SEMA6D: variants seen among roughly 807,000 people sequenced by gnomAD.
SEMA6D encodes the protein semaphorin-6D.
In SEMA6D, 35 loss-of-function variants were observed where a neutral mutation model predicts 106.6. That is an observed-to-expected ratio of 0.33 (90% CI 0.25 to 0.44). The LOEUF (loss-of-function observed/expected upper bound fraction) is 0.44, where lower values mean the gene tolerates loss of function less well. Among genes scored for constraint, SEMA6D ranks in the 20% least tolerant of loss-of-function variants. SEMA6D has a pLI of 1.00. For missense variants in SEMA6D, 1,185 were observed against 1,345.9 expected (o/e 0.88, Z 1.87); for synonymous variants, 499 against 487.7 (o/e 1.02, Z -0.31).
At chr15:47,272,000 G>T (rs936695475) in intron 1 of SEMA6D, among the ~76,000 whole-genome samples, 1 of 152,082 alleles carries the variant, frequency 6.6e-6, no homozygotes, top group East Asian at 1.9e-4. Flanking sequence ...TCTTTTCAAG[G>T]CTTACATCAA....
chr15:47,238,616 A>G (rs1260247152), intron 1 of SEMA6D, among the ~76,000 whole-genome samples: 5 of 152,126 alleles, frequency 3.3e-5, no homozygotes, highest in Admixed American at 6.6e-5. Context: ...CATAGTTGAA[A>G]TTCAATACGT....
chr15:47,702,536 G>C (rs192679656), intron 4 of SEMA6D, among the ~76,000 whole-genome samples: 38 of 152,316 alleles, frequency 2.5e-4, no homozygotes, highest in African/African-American at 8.9e-4. Context: ...CAGAGGAGCT[G>C]AAAACTTATG....
At chr15:47,548,818 G>A (rs970990534) in intron 3 of SEMA6D, among the ~76,000 whole-genome samples, 1 of 152,068 alleles carries the variant, frequency 6.6e-6, no homozygotes, top group Non-Finnish European at 1.5e-5. Flanking sequence ...CTATAATAAT[G>A]TGTTTGTTGT....
intron 3 of SEMA6D, among the ~76,000 whole-genome samples, chr15:47,535,327 C>T (rs1440081394): frequency 6.6e-6 from 1 of 152,032 alleles, no homozygotes; most frequent in Non-Finnish European, 1.5e-5. Flanking sequence ...CAGATAAGAA[C>T]ATAAAGGTAG....
At chr15:47,238,400 C>G (rs2032691725) in intron 1 of SEMA6D, among the ~76,000 whole-genome samples, 1 of 152,032 alleles carries the variant, frequency 6.6e-6, no homozygotes, top group Non-Finnish European at 1.5e-5. Context: ...GATTTGACCC[C>G]TCACCCCCCA....
rs542063972 is a variant in SEMA6D at position 47,744,950 on chromosome 15, C to T, written c.-54-14795C>T. On this transcript the variant is annotated intron_variant, in intron 1 of 18. Transcript: ENST00000536845. ...GTTCTCATTGTATAGATTGGGAAACCGAGGCTGGAAGAGGCAAGTTGGCTT... is the reference window on the plus strand; with the variant it reads ...GTTCTCATTGTATAGATTGGGAAACTGAGGCTGGAAGAGGCAAGTTGGCTT... Among the ~76,000 whole-genome samples the T allele has an allele frequency of 2.4e-4, 36 of 152,208 alleles. No individual in the cohort carries two copies. The South Asian group carries it at 3.3e-3, about 14-fold the overall frequency.
At chr15:47,258,394 T>C (rs2033912172) in intron 1 of SEMA6D, among the ~76,000 whole-genome samples, 1 of 152,196 alleles carries the variant, frequency 6.6e-6, no homozygotes, top group Non-Finnish European at 1.5e-5. Context: ...CAGAAAAGGC[T>C]AGCATTTGAA....
intron 3 of SEMA6D, among the ~76,000 whole-genome samples, chr15:47,544,611 G>C (rs908643932): frequency 6.6e-6 from 1 of 152,030 alleles, no homozygotes; most frequent in African/African-American, 2.4e-5. Flanking sequence ...AAGAAGTCCT[G>C]GGAAAATGGA....
intron 3 of SEMA6D, among the ~76,000 whole-genome samples, chr15:47,520,136 G>C (rs2044523801): frequency 6.6e-6 from 1 of 152,174 alleles, no homozygotes; most frequent in African/African-American, 2.4e-5. Context: ...ATGTCTCCTT[G>C]ATACCTGGGA....
intron 16 of SEMA6D, 133 bp downstream of exon 16, chr15:47,766,810 G>T: frequency 1.5e-6 from 1 of 687,582 alleles, no homozygotes; most frequent in Admixed American, 2.9e-5. Flanking sequence ...CTTCGCAAAA[G>T]CTGAGCTGTT....
chr15:47,319,250 A>G (rs1055818512), intron 1 of SEMA6D, among the ~76,000 whole-genome samples: 4 of 152,168 alleles, frequency 2.6e-5, no homozygotes, highest in Non-Finnish European at 5.9e-5. Flanking sequence ...CATATTAATC[A>G]TAGTTGTTTT....
At position 47,503,688 on chromosome 15, in the gene SEMA6D, G is replaced by GTC. The variant is rs2043936069; in HGVS notation, c.-87+33144_-87+33145dup. The stretch of plus-strand genomic sequence containing the variant: ...ATGCAGGGGTGCTCTCTCTCTCTCT[G>GTC]TCACACACACACACACACACACACA... On this transcript the variant is annotated intron_variant, in intron 3 of 19. Transcript: ENST00000558014. 3.8e-5 allele frequency among the ~76,000 whole-genome samples: 4 copies of GTC among 106,446 alleles called. No homozygotes were observed. In the South Asian group the frequency reaches 8.9e-4, roughly 24 times the overall value. The allele number at this position is 106,446 out of a possible 152,430, so 69.8% of individuals were successfully genotyped here. A position where few individuals can be genotyped will look rare whatever the true frequency, so the allele number is the denominator to read the frequency against.
At chr15:47,644,291 G>C (rs1436017476) in intron 4 of SEMA6D, among the ~76,000 whole-genome samples, 2 of 152,186 alleles carry the variant, frequency 1.3e-5, no homozygotes, top group Non-Finnish European at 2.9e-5. Context: ...CAGATGTTAA[G>C]TGCATACACA....
intron 1 of SEMA6D, among the ~76,000 whole-genome samples, chr15:47,288,136 A>G (rs1272842268): frequency 2.6e-5 from 4 of 152,222 alleles, no homozygotes; most frequent in Admixed American, 6.5e-5. Flanking sequence ...CGTGATCCAA[A>G]CACTTTTACA....
intron 3 of SEMA6D, among the ~76,000 whole-genome samples, chr15:47,516,035 G>A (rs2044376487): frequency 6.6e-6 from 1 of 152,158 alleles, no homozygotes; most frequent in African/African-American, 2.4e-5. Context: ...ATGGTTGGCT[G>A]CAGAACTAAG....
At chr15:47,303,222 G>A (rs1421698609) in intron 1 of SEMA6D, among the ~76,000 whole-genome samples, 1 of 152,094 alleles carries the variant, frequency 6.6e-6, no homozygotes, top group Non-Finnish European at 1.5e-5. Flanking sequence ...GACAACTGGT[G>A]AACTTGTGGA....
At chr15:47,399,512 C>A (rs1003697056) in intron 1 of SEMA6D, 1 of 152,240 alleles carries the variant, frequency 6.6e-6, no homozygotes, top group African/African-American at 2.4e-5. Context: ...TGCCTTGGAT[C>A]TGAATTTCTG....
intron 3 of SEMA6D, among the ~76,000 whole-genome samples, chr15:47,503,401 A>T (rs2043922818): frequency 6.6e-6 from 1 of 152,198 alleles, no homozygotes; most frequent in Admixed American, 6.5e-5. Flanking sequence ...TTGTGAGGTT[A>T]TCTGTGTGGT....
At chr15:47,669,690 C>T (rs1375047556) in intron 4 of SEMA6D, among the ~76,000 whole-genome samples, 2 of 152,184 alleles carry the variant, frequency 1.3e-5, no homozygotes, top group African/African-American at 4.8e-5. Flanking sequence ...CCTTCTCCTC[C>T]ATACCTGTAT....
Sources: gnomAD v4.1 joint callset for allele counts (sites outside exome capture counted in the v4.1 genomes callset) on GRCh38, gnomAD v4.1.1 for gene constraint, MANE v1.5 for transcripts, NCBI Gene and HGNC (gene_info 2026-07-23, HGNC 2026-07-21) for gene names.